The following TRMT61B variants were observed in gnomAD, a reference collection of about 807,000 sequenced individuals.
TRMT61B encodes the protein tRNA methyltransferase 61B, also known as tRNA (adenine(58)-N(1))-methyltransferase, mitochondrial.
TRMT61B carries 56 observed loss-of-function variants against 52.0 expected under a neutral mutation model. The observed-to-expected ratio is 1.08, with a 90% CI of 0.87 to 1.35. TRMT61B has a LOEUF of 1.35. Ranked by LOEUF, TRMT61B falls within the 40% of genes most tolerant of loss-of-function variation. TRMT61B has a pLI of 0.00. For synonymous variants in TRMT61B, 206 were observed against 220.0 expected (o/e 0.94, Z 0.56); for missense variants, 650 against 577.9 (o/e 1.12, Z -1.28).
At chr2:28,866,319 G>A (rs1669847670) in intron 1 of TRMT61B, among the ~76,000 whole-genome samples, 1 of 152,168 alleles carries the variant, frequency 6.6e-6, no homozygotes, top group African/African-American at 2.4e-5. Context: ...TTAGAATTAA[G>A]ATACTATATA....
chr2:28,863,270 A>C (rs1355195155), intron 2 of TRMT61B, among the ~76,000 whole-genome samples: 2 of 152,010 alleles, frequency 1.3e-5, no homozygotes, highest in African/African-American at 4.8e-5. Context: ...GTCTCTACAA[A>C]AACTTTAAAA....
intron 3 of TRMT61B, among the ~76,000 whole-genome samples, chr2:28,857,692 T>C (rs189955495): frequency 6.6e-6 from 1 of 152,210 alleles, no homozygotes; most frequent in Admixed American, 6.5e-5. Context: ...AAGGTTACAC[T>C]GGCGATTATG....
rs1417809977 is a variant in TRMT61B at position 28,849,822 on chromosome 2, T to G, written c.*377A>C. The G allele has an allele frequency of 7.5e-7, 1 of 1,328,440 alleles. No individual in the cohort carries two copies. Among genetic ancestry groups the G allele is most frequent in the East Asian group, 2.4e-5 (1 of 42,418 alleles). 82.3% of individuals were successfully genotyped at this position (1,328,440 alleles called of 1,614,324 possible). ...TTTAAAATGGACAGATACATAAAATTTATCTTAAAATGCATATTTTATTTC... is the reference window on the plus strand; with the variant it reads ...TTTAAAATGGACAGATACATAAAATGTATCTTAAAATGCATATTTTATTTC... On this transcript the variant is annotated 3_prime_UTR_variant, in exon 7 of 7. Transcript: ENST00000306108.
intron 1 of TRMT61B, among the ~76,000 whole-genome samples, chr2:28,865,965 G>A (rs1386104682): frequency 6.6e-6 from 1 of 151,278 alleles, no homozygotes; most frequent in African/African-American, 2.4e-5. Flanking sequence ...ACAGGTGTGA[G>A]CCAGTGTGCC....
At chr2:28,854,789 A>G (rs6547886) in intron 3 of TRMT61B, among the ~76,000 whole-genome samples, 129,734 of 142,972 alleles carry the variant, frequency 0.91, 58,925 homozygotes, top group Non-Finnish European at 0.93. Flanking sequence ...GCGTGGTGGC[A>G]TGCTCCTGTG....
intron 3 of TRMT61B, among the ~76,000 whole-genome samples, chr2:28,857,327 A>C (rs574750817): frequency 2.0e-5 from 3 of 152,188 alleles, no homozygotes; most frequent in Admixed American, 6.5e-5. Flanking sequence ...TTAGCACAGC[A>C]CACGACACAT....
chr2:28,852,408 T>C lies in TRMT61B; in HGVS notation c.1085A>G (p.Asn362Ser). 1 of 1,566,508 alleles carries C rather than the reference T, an allele frequency of 6.4e-7. No individual in the cohort carries two copies. The highest frequency in any genetic ancestry group is 8.7e-7 in the Non-Finnish European group (1 of 1,145,732). The change falls in exon 4 of 7, where the codon AAC becomes AGC. Residue 362 changes from asparagine to serine, a missense_variant and splice_region_variant. Physicochemically the swap from Asn to Ser is conservative, Grantham distance 46 (BLOSUM62 1). Coordinates refer to ENST00000306108, the MANE Select transcript of TRMT61B (RefSeq NM_017910.4). ...AAAGAAAAACAGTTATATTACTCAC[T>C]TTACTACATATACAGCACATACACC... Reference protein sequence around the residue: ...HGGVCAVYVVNITQVIELLDG... With the variant: ...HGGVCAVYVVSITQVIELLDG...
chr2:28,860,000 A>G (rs573788761), intron 3 of TRMT61B, among the ~76,000 whole-genome samples: 1 of 152,216 alleles, frequency 6.6e-6, no homozygotes, highest in South Asian at 2.1e-4. Flanking sequence ...GGCCAGGCAC[A>G]GTGGCTCATG....
Position 28,865,040 on chromosome 2 carries a change from A to C in TRMT61B, c.779T>G (p.Met260Arg). 3.7e-6 allele frequency: 6 copies of C among 1,612,526 alleles called. No homozygotes were observed. The highest frequency in any genetic ancestry group is 5.1e-6 in the Non-Finnish European group (6 of 1,178,664). ...VLEAGSGSGG[M>R]SLFLSKAVGS... ...ACCTGCTTTGGATAAAAATAAGCTC[A>C]TTCCACCAGAGCCTGAGCCAGCTTC... Residue 260 changes from methionine to arginine, a missense_variant, in exon 2 of 7, where the codon ATG becomes AGG. Met to Arg is a moderately conservative substitution (Grantham distance 91). Coordinates refer to ENST00000306108, the MANE Select transcript of TRMT61B (RefSeq NM_017910.4).
intron 3 of TRMT61B, among the ~76,000 whole-genome samples, chr2:28,858,590 T>C (rs976572427): frequency 6.7e-6 from 1 of 150,356 alleles, no homozygotes; most frequent in Admixed American, 6.6e-5. Context: ...AGCCCTGGAG[T>C]TCGAGACCAG....
intron 3 of TRMT61B, among the ~76,000 whole-genome samples, chr2:28,858,542 C>T (rs1669446028): frequency 6.6e-6 from 1 of 151,560 alleles, no homozygotes; most frequent in African/African-American, 2.4e-5. Context: ...CGCCTGTAAT[C>T]CCAGCACTTT....
chr2:28,860,209 T>C (rs6728045), intron 3 of TRMT61B, among the ~76,000 whole-genome samples: 60,291 of 136,484 alleles, frequency 0.44, 13,343 homozygotes, highest in Middle Eastern at 0.54. Context: ...CAGGCGGAGG[T>C]TGCAGTGAGC....
At position 28,861,286 on chromosome 2, in the gene TRMT61B, T is replaced by C. The variant is rs758933334; in HGVS notation, c.825A>G (p.Ile275Met). The change falls in exon 3 of 7, where the codon ATA (isoleucine) becomes ATG (methionine). Residue 275 changes from isoleucine to methionine, a missense_variant. Physicochemically the swap from Ile to Met is conservative, Grantham distance 10 (BLOSUM62 1). Transcript: ENST00000306108. ...GGTGGTCTTTTCGTACCTCAAAACT[T>C]ATGACTCGTCCTTGTGATCCAACTT... ...SKAVGSQGRV[I>M]SFEVRKDHHD... 1.3e-6 allele frequency: 2 copies of C among 1,598,668 alleles called. No homozygotes were observed. The highest frequency in any genetic ancestry group is 1.8e-5 in the Admixed American group (1 of 55,466).
At chr2:28,858,239 A>G (rs1042635923) in intron 3 of TRMT61B, among the ~76,000 whole-genome samples, 13 of 151,578 alleles carry the variant, frequency 8.6e-5, no homozygotes, top group Non-Finnish European at 1.6e-4. Flanking sequence ...ATGGGGTTTC[A>G]CCATGTTAGC....
At chr2:28,865,307 A>T (rs1388433652) in intron 1 of TRMT61B, among the ~76,000 whole-genome samples, 188 bp from the exon 2 acceptor site, 1 of 152,246 alleles carries the variant, frequency 6.6e-6, no homozygotes, top group African/African-American at 2.4e-5. Flanking sequence ...CAAATAAGGC[A>T]ACACTTCAGA....
chr2:28,862,535 T>C (rs907924404), intron 2 of TRMT61B, among the ~76,000 whole-genome samples: 22 of 151,224 alleles, frequency 1.5e-4, no homozygotes, highest in African/African-American at 4.6e-4. Flanking sequence ...GGTTTCGCCA[T>C]GTTGCCAGAC....
intron 1 of TRMT61B, among the ~76,000 whole-genome samples, chr2:28,866,578 C>T (rs1026220130): frequency 6.6e-6 from 1 of 152,140 alleles, no homozygotes; most frequent in African/African-American, 2.4e-5. Flanking sequence ...CAGTAATGCT[C>T]ACTACCCACC....
intron 3 of TRMT61B, among the ~76,000 whole-genome samples, chr2:28,857,844 T>C (rs1307160807): frequency 2.0e-5 from 3 of 152,324 alleles, no homozygotes; most frequent in South Asian, 2.1e-4. Flanking sequence ...CATATGTATA[T>C]AGCTACAAAC....
At chr2:28,863,349 T>C (rs1669687548) in intron 2 of TRMT61B, among the ~76,000 whole-genome samples, 1 of 151,024 alleles carries the variant, frequency 6.6e-6, no homozygotes, top group African/African-American at 2.4e-5. Flanking sequence ...CAGGATCACT[T>C]GAGTTCCGAG....
Sources: gnomAD v4.1 joint callset for allele counts (sites outside exome capture counted in the v4.1 genomes callset) on GRCh38, gnomAD v4.1.1 for gene constraint, MANE v1.5 for transcripts, NCBI Gene and HGNC (gene_info 2026-07-23, HGNC 2026-07-21) for gene names.